MSRA: variants seen among roughly 807,000 people sequenced by gnomAD.
MSRA encodes methionine sulfoxide reductase A.
MSRA carries 54 observed loss-of-function variants against 31.3 expected under a neutral mutation model. The ratio of observed to expected loss-of-function variants is 1.73; its 90% CI spans 1.39 to 2.17. MSRA has a LOEUF of 2.17. Ranked by LOEUF, MSRA falls within the 30% of genes most tolerant of loss-of-function variation. The pLI is 0.00. For synonymous variants in MSRA, 169 were observed against 116.5 expected, an observed-to-expected ratio of 1.45 and a Z score of -2.90; for missense variants, 507 against 300.9, an observed-to-expected ratio of 1.69 and a Z score of -5.07.
chr8:10,071,183 T>C (rs1797715570), intron 1 of MSRA, among the ~76,000 whole-genome samples: 1 of 152,238 alleles, frequency 6.6e-6, no homozygotes, highest in Admixed American at 6.5e-5. Context: ...GTCACTGTTT[T>C]ATTTTAGCCA....
At chr8:10,178,555 G>A (rs1388605626) in intron 1 of MSRA, among the ~76,000 whole-genome samples, 4 of 152,210 alleles carry the variant, frequency 2.6e-5, no homozygotes, top group Non-Finnish European at 5.9e-5. Flanking sequence ...TATAAGTGCA[G>A]CGATGAAGAT....
At chr8:10,259,215 A>T (rs1798341225) in intron 3 of MSRA, among the ~76,000 whole-genome samples, 1 of 152,078 alleles carries the variant, frequency 6.6e-6, no homozygotes, top group Non-Finnish European at 1.5e-5. Flanking sequence ...ATCTATGGCC[A>T]CTCTCTGGCA....
At chr8:10,096,888 C>T (rs571715766) in intron 1 of MSRA, among the ~76,000 whole-genome samples, 1 of 152,128 alleles carries the variant, frequency 6.6e-6, no homozygotes, top group Non-Finnish European at 1.5e-5. Flanking sequence ...TAAGTTATGA[C>T]TTCCTATAAT....
intron 1 of MSRA, among the ~76,000 whole-genome samples, chr8:10,175,138 C>T (rs570065601): frequency 2.0e-5 from 3 of 152,136 alleles, no homozygotes; most frequent in East Asian, 3.9e-4. Context: ...CTACTATGGC[C>T]GTCCCGGTCA....
chr8:10,101,442 G>C (rs1187341263), intron 1 of MSRA, among the ~76,000 whole-genome samples: 2 of 152,064 alleles, frequency 1.3e-5, no homozygotes, highest in African/African-American at 4.8e-5. Context: ...CATTCACATT[G>C]TTATGCTGCC....
chr8:10,116,491 G>C (rs955789439), intron 1 of MSRA, among the ~76,000 whole-genome samples: 1 of 152,206 alleles, frequency 6.6e-6, no homozygotes, highest in African/African-American at 2.4e-5. Flanking sequence ...CTGCGGTACA[G>C]AGAACAAAGA....
rs549424426 is a variant in MSRA at position 10,208,094 on chromosome 8, G to A, written c.211+193G>A. Among the ~76,000 whole-genome samples, 46 of 152,246 alleles carry A rather than the reference G, an allele frequency of 3.0e-4. No homozygotes were observed. In the South Asian group the frequency reaches 4.1e-3, roughly 14 times the overall value. On this transcript the variant is annotated intron_variant, in intron 2 of 5. Coordinates refer to ENST00000317173, the MANE Select transcript of MSRA (RefSeq NM_012331.5). ...AAAAGCTTATTCTATAGAATTTAGC[G>A]TGCTTTATTTTCTCACGTTGACAAC...
chr8:10,101,297 G>T (rs1705362308), intron 1 of MSRA, among the ~76,000 whole-genome samples: 1 of 151,920 alleles, frequency 6.6e-6, no homozygotes, highest in South Asian at 2.1e-4. Context: ...CATAGTGTCT[G>T]GTATGTAGTA....
At chr8:10,067,201 A>C (rs1585077246) in intron 1 of MSRA, among the ~76,000 whole-genome samples, 1 of 152,218 alleles carries the variant, frequency 6.6e-6, no homozygotes, top group East Asian at 1.9e-4. Context: ...AACCCCTTGC[A>C]ACCACTGAAC....
Position 10,352,401 on chromosome 8 carries a change from G to C in MSRA, c.543+32412G>C, listed in dbSNP as rs545675862. Among the ~76,000 whole-genome samples the C allele has an allele frequency of 2.0e-5, 3 of 152,302 alleles. No individual in the cohort carries two copies. In the East Asian group the frequency reaches 5.8e-4, roughly 29 times the overall value. On this transcript the variant is annotated intron_variant, in intron 5 of 5. Coordinates refer to ENST00000317173, the MANE Select transcript of MSRA (RefSeq NM_012331.5). ...TGGAAAGAGTTCTCCACTGTGCTTT[G>C]GGACTACAAGTTCAGCTTGGGGCAG...
chr8:10,399,926 C>T (rs1807338495), intron 5 of MSRA, among the ~76,000 whole-genome samples: 1 of 152,114 alleles, frequency 6.6e-6, no homozygotes, highest in Admixed American at 6.5e-5. Context: ...AAAGGGAGAG[C>T]TGTTGGAGCC....
At chr8:10,372,032 C>T (rs960600330) in intron 5 of MSRA, among the ~76,000 whole-genome samples, 4 of 152,182 alleles carry the variant, frequency 2.6e-5, no homozygotes, top group African/African-American at 7.2e-5. Flanking sequence ...CTTGTTGATG[C>T]CATATAATCT....
At chr8:10,185,077 T>A (rs1013293438) in intron 1 of MSRA, among the ~76,000 whole-genome samples, 1 of 152,228 alleles carries the variant, frequency 6.6e-6, no homozygotes, top group Non-Finnish European at 1.5e-5. Context: ...ACATTTACCA[T>A]GAAATCCTCT....
intron 1 of MSRA, among the ~76,000 whole-genome samples, chr8:10,066,336 TA>T (rs1397351814): frequency 9.2e-5 from 14 of 152,346 alleles, no homozygotes; most frequent in African/African-American, 3.4e-4. Flanking sequence ...GAATCATTTT[TA>T]TCCTTTTTCC....
chr8:10,241,815 C>T (rs947314832), intron 2 of MSRA, among the ~76,000 whole-genome samples: 1 of 152,222 alleles, frequency 6.6e-6, no homozygotes, highest in Non-Finnish European at 1.5e-5. Flanking sequence ...CAATTGTCAA[C>T]TTGCAGAAAG....
At chr8:10,155,598 C>T (rs12334619) in intron 1 of MSRA, among the ~76,000 whole-genome samples, 4,308 of 152,204 alleles carry the variant, frequency 0.028, 204 homozygotes, top group African/African-American at 0.097. Context: ...AGAGAAATGG[C>T]GAGCCTGAGA....
At chr8:10,268,955 A>G (rs188590832) in intron 3 of MSRA, among the ~76,000 whole-genome samples, 5 of 152,354 alleles carry the variant, frequency 3.3e-5, no homozygotes, top group East Asian at 3.9e-4. Flanking sequence ...TTTCTGGAGA[A>G]GATGCAGATT....
intron 1 of MSRA, among the ~76,000 whole-genome samples, chr8:10,206,598 A>G (rs1808999026): frequency 6.6e-6 from 1 of 152,196 alleles, no homozygotes; most frequent in African/African-American, 2.4e-5. Context: ...CACTGCACCA[A>G]GACAGATTGT....
At chr8:10,424,622 G>T (rs571914184) in intron 5 of MSRA, among the ~76,000 whole-genome samples, 3 of 151,820 alleles carry the variant, frequency 2.0e-5, no homozygotes, top group South Asian at 4.2e-4. Context: ...GGGTGGAGTG[G>T]GATCAGGGAG....
Sources: allele counts gnomAD v4.1 joint callset (sites outside exome capture counted in the v4.1 genomes callset), GRCh38; gene constraint gnomAD v4.1.1; transcripts MANE v1.5; gene names NCBI Gene and HGNC (gene_info 2026-07-23, HGNC 2026-07-21).